Variants in AGBL1 observed in about 807,000 individuals in gnomAD.
The protein encoded by AGBL1 is AGBL carboxypeptidase 1.
In AGBL1, 130 loss-of-function variants were observed where a neutral mutation model predicts 118.9. That is an observed-to-expected ratio of 1.09 (90% CI 0.95 to 1.26). The LOEUF is 1.26. Among genes scored for constraint, AGBL1 ranks in the 50% most tolerant of loss-of-function variants. The probability of loss-of-function intolerance (pLI) is 0.00; values close to 1 mark genes in which losing one functional copy is unlikely to be tolerated. For missense variants in AGBL1, 1,584 were observed against 1,298.1 expected (o/e 1.22, Z -3.38); for synonymous variants, 555 against 478.9 (o/e 1.16, Z -2.08).
chr15:86,779,016 C>T (rs935742069), intron 22 of AGBL1, among the ~76,000 whole-genome samples: 2 of 152,218 alleles, frequency 1.3e-5, no homozygotes, highest in Non-Finnish European at 2.9e-5. Flanking sequence ...GCCGGTCCCT[C>T]CCTTCCAGGT....
chr15:86,286,281 A>G, intron 16 of AGBL1, among the ~76,000 whole-genome samples: 1 of 152,124 alleles, frequency 6.6e-6, no homozygotes, highest in African/African-American at 2.4e-5. Context: ...CGTATCTATC[A>G]CCTCACATAT....
intron 18 of AGBL1, among the ~76,000 whole-genome samples, chr15:86,401,059 C>T (rs575053655): frequency 2.0e-5 from 3 of 152,212 alleles, no homozygotes; most frequent in Admixed American, 6.5e-5. Context: ...AGTGATTGTA[C>T]GAGCTTACAT....
At chr15:86,442,277 A>G (rs1185416400) in intron 18 of AGBL1, among the ~76,000 whole-genome samples, 1 of 152,174 alleles carries the variant, frequency 6.6e-6, no homozygotes, top group Non-Finnish European at 1.5e-5. Context: ...CCATCTCTTA[A>G]TATTCTCAGG....
chr15:86,278,083 G>T (rs1304756032), intron 15 of AGBL1, among the ~76,000 whole-genome samples: 1 of 152,176 alleles, frequency 6.6e-6, no homozygotes, highest in Non-Finnish European at 1.5e-5. Context: ...GCTACCATCT[G>T]CTTCTTTACG....
At chr15:86,180,296 A>C (rs1298706416) in intron 5 of AGBL1, among the ~76,000 whole-genome samples, 1 of 152,142 alleles carries the variant, frequency 6.6e-6, no homozygotes, top group Non-Finnish European at 1.5e-5. Context: ...TTTAAGATTT[A>C]TCATAAAGCT....
At chr15:86,566,712 C>T (rs1020077604) in intron 21 of AGBL1, among the ~76,000 whole-genome samples, 26 of 152,258 alleles carry the variant, frequency 1.7e-4, no homozygotes, top group Middle Eastern at 3.4e-3. Flanking sequence ...TATCAGGATA[C>T]AGACACACAC....
intron 17 of AGBL1, among the ~76,000 whole-genome samples, chr15:86,389,962 C>T (rs931303957): frequency 3.9e-5 from 6 of 151,906 alleles, no homozygotes; most frequent in Non-Finnish European, 8.8e-5. Flanking sequence ...CTAAATGCTT[C>T]AATTAAGATA....
At chr15:86,720,093 A>G (rs2086694814) in intron 22 of AGBL1, among the ~76,000 whole-genome samples, 1 of 152,188 alleles carries the variant, frequency 6.6e-6, no homozygotes, top group Non-Finnish European at 1.5e-5. Context: ...GTATATACAG[A>G]TTACTGTCAA....
intron 21 of AGBL1, among the ~76,000 whole-genome samples, chr15:86,653,485 G>A (rs564620105): frequency 2.4e-4 from 37 of 152,180 alleles, no homozygotes; most frequent in Non-Finnish European, 3.8e-4. Flanking sequence ...CACAGACATC[G>A]GATATAAACC....
chr15:86,120,431 G>A (rs754127660), intron 1 of AGBL1, among the ~76,000 whole-genome samples: 1 of 152,118 alleles, frequency 6.6e-6, no homozygotes, highest in Non-Finnish European at 1.5e-5. Flanking sequence ...GTCCCCTCCT[G>A]GAGACACTTT....
intron 22 of AGBL1, among the ~76,000 whole-genome samples, chr15:86,776,488 C>T (rs2078256774): frequency 6.6e-6 from 1 of 151,742 alleles, no homozygotes; most frequent in African/African-American, 2.4e-5. Context: ...TCCATTTTTT[C>T]TATTCGTTGC....
At chr15:86,269,848 A>T in intron 13 of AGBL1, 71 bp from the exon 14 acceptor site, 1 of 1,532,922 alleles carries the variant, frequency 6.5e-7, no homozygotes, top group Non-Finnish European at 8.9e-7. Context: ...TGAAACGTGT[A>T]GATTCTTAGT....
At position 87,016,369 on chromosome 15, in the gene AGBL1, C is replaced by A. The variant is rs2081608266; in HGVS notation, c.3324-12456C>A. On this transcript the variant is annotated intron_variant, in intron 24 of 24. Coordinates refer to the AGBL1 transcript ENST00000441037. ...TCAGCCTGGAGGAGTTAGAGATGGT[C>A]TCTCAGACAAAGGGACATTTGAGCT... 2.6e-5 allele frequency among the ~76,000 whole-genome samples: 4 copies of A among 152,152 alleles called. No homozygotes were observed. The South Asian group carries it at 8.3e-4, about 32-fold the overall frequency.
chr15:86,335,749 G>A (rs1052870848), intron 17 of AGBL1, among the ~76,000 whole-genome samples: 1 of 152,190 alleles, frequency 6.6e-6, no homozygotes, highest in African/African-American at 2.4e-5. Flanking sequence ...AGAGGAGAAT[G>A]TTGAGAAAAA....
At chr15:86,578,141 T>C (rs759280011) in intron 21 of AGBL1, among the ~76,000 whole-genome samples, 1 of 152,156 alleles carries the variant, frequency 6.6e-6, no homozygotes, top group African/African-American at 2.4e-5. Context: ...GAAGGGAGGC[T>C]GTACCCTGCA....
intron 5 of AGBL1, among the ~76,000 whole-genome samples, chr15:86,181,723 A>T: frequency 6.6e-6 from 1 of 152,092 alleles, no homozygotes; most frequent in Admixed American, 6.6e-5. Flanking sequence ...TTCACTTTAT[A>T]TTAAGGAATA....
intron 5 of AGBL1, among the ~76,000 whole-genome samples, chr15:86,170,293 A>G (rs997374222): frequency 2.6e-5 from 4 of 152,166 alleles, no homozygotes; most frequent in African/African-American, 7.2e-5. Flanking sequence ...AAATACAGAA[A>G]CAGAACATTT....
chr15:86,901,867 T>A (rs2080216612), intron 22 of AGBL1, among the ~76,000 whole-genome samples: 1 of 151,984 alleles, frequency 6.6e-6, no homozygotes, highest in Non-Finnish European at 1.5e-5. Flanking sequence ...TGTGGATGAA[T>A]TTTTTTTAGT....
intron 18 of AGBL1, among the ~76,000 whole-genome samples, chr15:86,426,797 C>T (rs1336270688): frequency 6.6e-6 from 1 of 152,288 alleles, no homozygotes; most frequent in East Asian, 1.9e-4. Flanking sequence ...GATGGAGTCT[C>T]ACTCTGTCAC....
Sources: allele counts gnomAD v4.1 joint callset (sites outside exome capture counted in the v4.1 genomes callset), GRCh38; gene constraint gnomAD v4.1.1; transcripts MANE v1.5; gene names NCBI Gene and HGNC (gene_info 2026-07-23, HGNC 2026-07-21).